SMC1B: variants seen among roughly 807,000 people sequenced by gnomAD.
SMC1B encodes the protein structural maintenance of chromosomes 1B, also known as structural maintenance of chromosomes protein 1B.
Under a neutral mutation model 157.9 loss-of-function variants are expected in SMC1B, and 60 were observed. The ratio of observed to expected loss-of-function variants is 0.38; its 90% confidence interval spans 0.31 to 0.47. The LOEUF (loss-of-function observed/expected upper bound fraction) is 0.47. Ranked by LOEUF, SMC1B falls within the 20% of genes least tolerant of loss-of-function variation. The probability of loss-of-function intolerance (pLI) is 0.99; values close to 1 mark genes in which losing one functional copy is unlikely to be tolerated. For synonymous variants in SMC1B, 445 were observed against 483.0 expected (o/e 0.92, Z 1.03); for missense variants, 1,165 against 1,426.2 (o/e 0.82, Z 2.95).
intron 8 of SMC1B, among the ~76,000 whole-genome samples, chr22:45,394,111 A>T (rs2087094288): frequency 6.6e-6 from 1 of 152,052 alleles, no homozygotes; most frequent in African/African-American, 2.4e-5. Context: ...GCTTGAGTCT[A>T]GGAATTTGAG....
At position 45,395,590 on chromosome 22, in the gene SMC1B, G is replaced by A. The variant is rs568687050; in HGVS notation, c.1254+756C>T. Among the ~76,000 whole-genome samples the A allele has an allele frequency of 1.2e-4, 19 of 152,294 alleles. No individual in the cohort carries two copies. The East Asian group carries it at 3.7e-3, about 29-fold the overall frequency. On this transcript the variant is annotated intron_variant, in intron 7 of 24. Transcript: ENST00000357450. ...GATAAAAAATTGACTGGGCACGGTG[G>A]CTCAGGCCTGTAATCCCAGCACTTT...
intron 23 of SMC1B, 44 bp from the exon 24 acceptor site, chr22:45,345,613 T>C (rs1387422327): frequency 8.3e-7 from 1 of 1,206,966 alleles, no homozygotes. Flanking sequence ...AGGAAAGGCC[T>C]TGTCTGGGCT....
At chr22:45,412,393 G>C (rs755551688) in intron 1 of SMC1B, among the ~76,000 whole-genome samples, 4 of 146,024 alleles carry the variant, frequency 2.7e-5, no homozygotes, top group Non-Finnish European at 6.0e-5. Flanking sequence ...TAGAGACAGG[G>C]CTTCACCATG....
intron 17 of SMC1B, among the ~76,000 whole-genome samples, chr22:45,360,599 G>T (rs1489023791): frequency 6.6e-6 from 1 of 151,594 alleles, no homozygotes; most frequent in South Asian, 2.1e-4. Flanking sequence ...GATCATTTAA[G>T]CCCAGAAGTT....
At chr22:45,371,286 AG>A (rs1362162417) in intron 14 of SMC1B, among the ~76,000 whole-genome samples, 184 bp downstream of exon 14, 1 of 152,228 alleles carries the variant, frequency 6.6e-6, no homozygotes, top group Admixed American at 6.5e-5. Flanking sequence ...GGTGAGCAAC[AG>A]AGGTTCTCAA....
chr22:45,379,935 G>A (rs896461939), intron 12 of SMC1B, among the ~76,000 whole-genome samples: 1 of 151,768 alleles, frequency 6.6e-6, no homozygotes, highest in Non-Finnish European at 1.5e-5. Context: ...GTTTCACCAT[G>A]TTGGCCAGGC....
At chr22:45,374,480 T>A (rs136577) in intron 12 of SMC1B, among the ~76,000 whole-genome samples, 94,550 of 152,022 alleles carry the variant, frequency 0.62, 31,941 homozygotes, top group African/African-American at 0.9. Flanking sequence ...GAGAGAGAAA[T>A]ATTATGTTTC....
chr22:45,378,506 G>A (rs1363206174), intron 12 of SMC1B, among the ~76,000 whole-genome samples: 2 of 152,084 alleles, frequency 1.3e-5, no homozygotes, highest in Non-Finnish European at 2.9e-5. Flanking sequence ...TCCTCTTAAT[G>A]CTACGAAATA....
chr22:45,388,374 T>C (rs761111066), intron 10 of SMC1B, among the ~76,000 whole-genome samples: 24 of 152,188 alleles, frequency 1.6e-4, no homozygotes, highest in Non-Finnish European at 3.4e-4. Flanking sequence ...CCCTTTATAT[T>C]TGATACACTT....
At position 45,344,351 on chromosome 22, in the gene SMC1B, C is replaced by A. The variant is rs894736249; in HGVS notation, c.*205G>T. On this transcript the variant is annotated 3_prime_UTR_variant, in exon 25 of 25. Transcript: ENST00000357450. The stretch of plus-strand genomic sequence containing the variant: ...TTTTTAAAAACTCATTTGACACCAG[C>A]TCTCACTGAAAACTTTCCCTACTAG... 5.7e-5 allele frequency: 22 copies of A among 386,162 alleles called. No homozygotes were observed. Among genetic ancestry groups the A allele is most frequent in the African/African-American group, 3.7e-4 (18 of 48,630 alleles). 23.9% of individuals were successfully genotyped at this position (386,162 alleles called of 1,614,324 possible).
intron 8 of SMC1B, 117 bp downstream of exon 8, chr22:45,394,568 T>G (rs1602087444): frequency 5.8e-6 from 7 of 1,215,042 alleles, no homozygotes; most frequent in South Asian, 2.2e-5. Flanking sequence ...CCCCGGAAGT[T>G]GAGGCTACCG....
At chr22:45,404,762 T>C (rs1206238523) in intron 4 of SMC1B, among the ~76,000 whole-genome samples, 1 of 152,244 alleles carries the variant, frequency 6.6e-6, no homozygotes, top group Non-Finnish European at 1.5e-5. Flanking sequence ...TGATGTCTTA[T>C]GTCCCCCTAA....
intron 15 of SMC1B, 82 bp downstream of exon 15, chr22:45,369,872 G>T: frequency 2.4e-6 from 2 of 831,156 alleles, no homozygotes; most frequent in South Asian, 1.7e-5. Context: ...ATGAAACTCA[G>T]GCATAATTCC....
intron 20 of SMC1B, 81 bp from the exon 21 acceptor site, chr22:45,354,213 T>TAA: frequency 8.7e-7 from 1 of 1,151,578 alleles, no homozygotes; most frequent in Non-Finnish European, 1.2e-6. Flanking sequence ...AAAATATTTT[T>TAA]AAAATTGGAT....
chr22:45,377,978 A>C (rs1194663203), intron 12 of SMC1B, among the ~76,000 whole-genome samples: 2 of 152,078 alleles, frequency 1.3e-5, no homozygotes, highest in Non-Finnish European at 2.9e-5. Flanking sequence ...AGCTGGGACT[A>C]CAGGTGCATG....
intron 4 of SMC1B, among the ~76,000 whole-genome samples, chr22:45,403,806 A>G (rs1355263203): frequency 6.6e-6 from 1 of 152,126 alleles, no homozygotes; most frequent in Non-Finnish European, 1.5e-5. Flanking sequence ...TAATGGGGAG[A>G]AGAGAGGAAG....
chr22:45,400,043 A>G (rs1441754080), intron 5 of SMC1B, among the ~76,000 whole-genome samples: 1 of 152,208 alleles, frequency 6.6e-6, no homozygotes, highest in Non-Finnish European at 1.5e-5. Context: ...ATATGAACTC[A>G]TGTTTAGCTT....
Position 45,386,883 on chromosome 22 carries a change from C to G in SMC1B, c.1895G>C (p.Gly632Ala). The G allele has an allele frequency of 6.2e-7, 1 of 1,613,386 alleles. No homozygotes were observed. The highest frequency in any genetic ancestry group is 8.5e-7 in the Non-Finnish European group (1 of 1,179,600). The change falls in exon 11 of 25, where the codon GGA becomes GCA. Residue 632 changes from glycine (G) to alanine (A), a missense_variant. Gly to Ala is a moderately conservative substitution (Grantham distance 60). Coordinates refer to ENST00000357450, the MANE Select transcript of SMC1B (RefSeq NM_148674.5). ...TTTTCTTACTTTCTGTCTTTCAGGT[C>G]CACTGAGTGCAATATGCCTTGCTTC... The part of the protein sequence containing the change: ...MEEARHIALS[G>A]PERQKTVALD...
chr22:45,349,386 G>C (rs2086586433), intron 23 of SMC1B, among the ~76,000 whole-genome samples: 1 of 151,502 alleles, frequency 6.6e-6, no homozygotes, highest in South Asian at 2.1e-4. Context: ...GCTTAGGCTG[G>C]AGTGCAGTGG....
Sources: allele counts gnomAD v4.1 joint callset (sites outside exome capture counted in the v4.1 genomes callset), GRCh38; gene constraint gnomAD v4.1.1; transcripts MANE v1.5; gene names NCBI Gene and HGNC (gene_info 2026-07-23, HGNC 2026-07-21).